NRG3: variants seen among roughly 807,000 people sequenced by gnomAD.
NRG3 encodes the protein pro-neuregulin-3, membrane-bound isoform.
NRG3 carries 31 observed loss-of-function variants against 66.9 expected under a neutral mutation model. The ratio of observed to expected loss-of-function variants is 0.46; its 90% CI spans 0.35 to 0.63. The LOEUF is 0.63. NRG3 is among the 20% of genes least tolerant of loss of function. The probability of loss-of-function intolerance (pLI) is 0.00; values close to 1 mark genes in which losing one functional copy is unlikely to be tolerated. For synonymous variants in NRG3, 393 were observed against 359.4 expected (o/e 1.09, Z -1.06); for missense variants, 910 against 878.9 (o/e 1.04, Z -0.45).
intron 4 of NRG3, among the ~76,000 whole-genome samples, chr10:82,895,213 A>T (rs1364551777): frequency 6.6e-6 from 1 of 152,092 alleles, no homozygotes; most frequent in African/African-American, 2.4e-5. Context: ...TAATATGTAG[A>T]TGCTATTCCC....
chr10:82,003,273 C>T (rs570822806), intron 1 of NRG3, among the ~76,000 whole-genome samples: 1 of 152,218 alleles, frequency 6.6e-6, no homozygotes, highest in South Asian at 2.1e-4. Context: ...ATTTAAGATA[C>T]ACAATTGGAG....
At chr10:82,099,961 T>C (rs943030398) in intron 1 of NRG3, among the ~76,000 whole-genome samples, 4 of 147,708 alleles carry the variant, frequency 2.7e-5, no homozygotes, top group Non-Finnish European at 5.9e-5. Flanking sequence ...TCCAGTTAGG[T>C]GACAGAACAA....
intron 3 of NRG3, among the ~76,000 whole-genome samples, chr10:82,791,761 C>T (rs2060597605): frequency 6.6e-6 from 1 of 152,180 alleles, no homozygotes; most frequent in Non-Finnish European, 1.5e-5. Flanking sequence ...TGCTTTGCTG[C>T]CTCAGGCATC....
chr10:82,005,634 T>A (rs2061349342), intron 1 of NRG3, among the ~76,000 whole-genome samples: 1 of 152,204 alleles, frequency 6.6e-6, no homozygotes. Flanking sequence ...CATCCTTTTT[T>A]CTGCAATGCT....
At chr10:82,670,237 T>C (rs1203284704) in intron 2 of NRG3, among the ~76,000 whole-genome samples, 1 of 152,092 alleles carries the variant, frequency 6.6e-6, no homozygotes, top group Non-Finnish European at 1.5e-5. Flanking sequence ...CTCTTTGCCT[T>C]CTTTCACATC....
chr10:82,897,241 T>A (rs529844272), intron 4 of NRG3, among the ~76,000 whole-genome samples: 2 of 152,288 alleles, frequency 1.3e-5, no homozygotes, highest in South Asian at 4.1e-4. Flanking sequence ...ATTAAACACC[T>A]TTTGAGAAAA....
chr10:82,716,164 G>A (rs955683625), intron 2 of NRG3, among the ~76,000 whole-genome samples: 4 of 152,152 alleles, frequency 2.6e-5, no homozygotes, highest in African/African-American at 4.8e-5. Context: ...CCGAGTGATT[G>A]ACAGAATAAT....
chr10:82,252,490 A>G (rs1468652990), intron 1 of NRG3, among the ~76,000 whole-genome samples: 1 of 152,216 alleles, frequency 6.6e-6, no homozygotes, highest in African/African-American at 2.4e-5. Flanking sequence ...TGTGATTCTC[A>G]TAAAAACCTC....
At chr10:81,877,984 C>T in intron 1 of NRG3, 1 of 1,537,358 alleles carries the variant, frequency 6.5e-7, no homozygotes, top group Non-Finnish European at 8.7e-7. Flanking sequence ...TACCTCCAAC[C>T]CTTGTATGCG....
chr10:81,977,278 GC>G (rs1455134002), intron 1 of NRG3, among the ~76,000 whole-genome samples: 1 of 152,010 alleles, frequency 6.6e-6, no homozygotes, highest in Non-Finnish European at 1.5e-5. Context: ...TCTGTCTACT[GC>G]AGTAAGCCGT....
intron 3 of NRG3, among the ~76,000 whole-genome samples, chr10:82,807,255 G>A (rs1591584448): frequency 6.6e-6 from 1 of 152,020 alleles, no homozygotes; most frequent in East Asian, 1.9e-4. Flanking sequence ...TTATTTAGGG[G>A]GCATCTTGAC....
At chr10:82,708,525 C>G (rs1430537656) in intron 2 of NRG3, among the ~76,000 whole-genome samples, 1 of 152,170 alleles carries the variant, frequency 6.6e-6, no homozygotes, top group Non-Finnish European at 1.5e-5. Flanking sequence ...CATGTGTATT[C>G]AATGTTTCAC....
intron 2 of NRG3, among the ~76,000 whole-genome samples, chr10:82,629,592 A>G (rs918602013): frequency 9.2e-5 from 14 of 152,306 alleles, no homozygotes; most frequent in Middle Eastern, 3.4e-3. Context: ...CCCCCAAATG[A>G]GCATCCTCCT....
intron 2 of NRG3, among the ~76,000 whole-genome samples, chr10:82,408,139 G>GAAAGAAAGAAAGAAAGAAAGA (rs1554911334): frequency 1.4e-5 from 2 of 140,474 alleles, no homozygotes; most frequent in African/African-American, 5.2e-5. Flanking sequence ...AAGAAAGAAA[G>GAAAGAAAGAAAGAAAGAAAGA]AAAGAAAAGA....
At chr10:82,783,844 T>C (rs1256531942) in intron 3 of NRG3, among the ~76,000 whole-genome samples, 1 of 152,068 alleles carries the variant, frequency 6.6e-6, no homozygotes, top group Non-Finnish European at 1.5e-5. Context: ...CTTCACAGAA[T>C]TGGAAAAAAC....
chr10:82,612,888 G>T (rs193130046), intron 2 of NRG3, among the ~76,000 whole-genome samples: 127 of 152,268 alleles, frequency 8.3e-4, no homozygotes, highest in African/African-American at 2.9e-3. Context: ...GCATGGCTGG[G>T]TGTTACAGAA....
chr10:82,715,840 T>C (rs1051629414), intron 2 of NRG3, among the ~76,000 whole-genome samples: 3 of 152,156 alleles, frequency 2.0e-5, no homozygotes, highest in Non-Finnish European at 4.4e-5. Context: ...GTCACCATCA[T>C]GGTTGTACCT....
At chr10:82,109,330 T>C (rs2067240330) in intron 1 of NRG3, among the ~76,000 whole-genome samples, 1 of 152,118 alleles carries the variant, frequency 6.6e-6, no homozygotes, top group African/African-American at 2.4e-5. Flanking sequence ...TCTGGACAAA[T>C]TAAGTTCCAG....
chr10:81,897,676 A>G (rs1017009241), intron 1 of NRG3, among the ~76,000 whole-genome samples: 9 of 152,138 alleles, frequency 5.9e-5, no homozygotes, highest in Non-Finnish European at 1.2e-4. Flanking sequence ...TAGGTGTGCA[A>G]GTGAACCTTT....
Sources: allele counts gnomAD v4.1 joint callset (sites outside exome capture counted in the v4.1 genomes callset), GRCh38; gene constraint gnomAD v4.1.1; transcripts MANE v1.5; gene names NCBI Gene and HGNC (gene_info 2026-07-23, HGNC 2026-07-21).